Variants in THADA observed in about 807,000 individuals in gnomAD.
The protein encoded by THADA is tRNA (32-2'-O)-methyltransferase regulator THADA.
THADA carries 213 observed loss-of-function variants against 219.8 expected under a neutral mutation model. The observed-to-expected ratio is 0.97, with a 90% CI of 0.87 to 1.09. The LOEUF is 1.09. Ranked by LOEUF, THADA falls within the 50% of genes least tolerant of loss-of-function variation. THADA has a pLI of 0.00. For synonymous variants in THADA, 1,018 were observed against 828.9 expected (o/e 1.23, Z -3.92); for missense variants, 2,956 against 2,311.3 (o/e 1.28, Z -5.72).
intron 26 of THADA, among the ~76,000 whole-genome samples, chr2:43,472,366 A>G (rs997805229): frequency 1.3e-5 from 2 of 152,230 alleles, no homozygotes; most frequent in African/African-American, 4.8e-5. Context: ...GCCCACAGAA[A>G]TTACTTCACC....
At chr2:43,544,817 G>A (rs1405865553) in intron 20 of THADA, among the ~76,000 whole-genome samples, 4 of 151,328 alleles carry the variant, frequency 2.6e-5, no homozygotes, top group Non-Finnish European at 5.9e-5. Context: ...CATGTCATCT[G>A]CAAACAGGGA....
chr2:43,400,985 C>T (rs868373978), intron 28 of THADA, among the ~76,000 whole-genome samples: 1 of 152,088 alleles, frequency 6.6e-6, no homozygotes, highest in Non-Finnish European at 1.5e-5. Context: ...TGAAATAAAT[C>T]GGATAGCCTC....
intron 28 of THADA, among the ~76,000 whole-genome samples, chr2:43,427,678 C>T (rs550515434): frequency 1.3e-5 from 2 of 148,930 alleles, no homozygotes; most frequent in African/African-American, 2.4e-5. Flanking sequence ...ATAATATGGC[C>T]GGGCGCGGTG....
At chr2:43,333,678 C>T (rs1217729482) in intron 30 of THADA, among the ~76,000 whole-genome samples, 1 of 152,086 alleles carries the variant, frequency 6.6e-6, no homozygotes, top group Non-Finnish European at 1.5e-5. Flanking sequence ...TTGGCACGGA[C>T]CACAAATGAT....
intron 25 of THADA, among the ~76,000 whole-genome samples, chr2:43,486,961 G>A (rs1377870660): frequency 1.3e-5 from 2 of 152,058 alleles, no homozygotes; most frequent in Admixed American, 6.6e-5. Flanking sequence ...GTCATGCATG[G>A]TAGCCATAGA....
At chr2:43,254,056 G>A (rs1036286246) in intron 36 of THADA, among the ~76,000 whole-genome samples, 47 of 151,966 alleles carry the variant, frequency 3.1e-4, no homozygotes, top group African/African-American at 9.6e-4. Context: ...ATGGGTACCC[G>A]CTCCAGACAG....
rs964681778 is a variant in THADA, at chr2:43,556,352, T to C, written c.2667A>G (p.Thr889=). The C allele has an allele frequency of 1.9e-6, 3 of 1,613,714 alleles. No individual in the cohort carries two copies. In the African/African-American group the frequency reaches 4.0e-5, roughly 22 times the overall value. Residue 889 remains threonine, a synonymous_variant, in exon 17 of 38, where the codon ACA becomes ACG. Coordinates refer to ENST00000405975, the MANE Select transcript of THADA (RefSeq NM_022065.5). ...DRPAAVVERN[T]LMVIKCLMEN... is the part of the protein sequence containing the mutation. ...GCAAACATCAATACAAACCCATTAA[T>C]GTGTTCCTTTCCACCACAGCAGCAG...
intron 29 of THADA, among the ~76,000 whole-genome samples, chr2:43,361,855 C>G (rs769107431): frequency 6.6e-6 from 1 of 152,142 alleles, no homozygotes; most frequent in Non-Finnish European, 1.5e-5. Context: ...ATAAGTTGTA[C>G]CACTCAGTGT....
intron 26 of THADA, among the ~76,000 whole-genome samples, chr2:43,442,270 T>C (rs918106689): frequency 3.3e-5 from 5 of 152,098 alleles, no homozygotes; most frequent in African/African-American, 1.2e-4. Context: ...ACCCTGTCTC[T>C]ACTAAAAATA....
chr2:43,541,342 T>G (rs1431255617), intron 20 of THADA, 26 bp from the exon 21 acceptor site: 1 of 1,610,174 alleles, frequency 6.2e-7, no homozygotes, highest in South Asian at 1.1e-5. Context: ...ACACAACGAT[T>G]GCAACCTTGA....
chr2:43,444,742 T>C (rs1681294776), intron 26 of THADA, among the ~76,000 whole-genome samples: 1 of 150,644 alleles, frequency 6.6e-6, no homozygotes, highest in Admixed American at 6.6e-5. Flanking sequence ...GGGGGGGAGG[T>C]ATCCACACAC....
At position 43,297,752 on chromosome 2, in the gene THADA, C is replaced by T. The variant is rs1397137862; in HGVS notation, c.4439-4539G>A. ...GGGGTCGGCCCCCCGCCCGGCCAGCCGCCCCGTCCGGGAGGGAGGTGGGGG... is the reference window on the plus strand; with the variant it reads ...GGGGTCGGCCCCCCGCCCGGCCAGCTGCCCCGTCCGGGAGGGAGGTGGGGG... On this transcript the variant is annotated intron_variant, in intron 31 of 37. Transcript: ENST00000405975. 1.1e-3 allele frequency among the ~76,000 whole-genome samples: 134 copies of T among 125,556 alleles called. 1 individual carries two copies. Among genetic ancestry groups the T allele is most frequent in the African/African-American group, 4.4e-3 (128 of 29,348 alleles). The allele number at this position is 125,556 out of a possible 152,430, so 82.4% of individuals were successfully genotyped here.
chr2:43,552,308 T>G lies in THADA; in HGVS notation c.2706A>C (p.Glu902Asp). The G allele has an allele frequency of 6.3e-7, 1 of 1,597,948 alleles. No individual in the cohort carries two copies. Among genetic ancestry groups the G allele is most frequent in the Non-Finnish European group, 8.5e-7 (1 of 1,175,780 alleles). Reference protein sequence around the residue: ...VIKCLMENLEEEVSQAENSLL... With the variant: ...VIKCLMENLEDEVSQAENSLL... Reference sequence around the variant, plus strand: ...GAGAATTTTCAGCCTGAGATACTTCTTCCTCAAGATTTTCCATCAAGCATT... The same window carrying G: ...GAGAATTTTCAGCCTGAGATACTTCGTCCTCAAGATTTTCCATCAAGCATT... Residue 902 changes from glutamate to aspartate, a missense_variant, in exon 18 of 38, where the codon GAA (glutamate) becomes GAC (aspartate). Transcript: ENST00000405975.
intron 22 of THADA, among the ~76,000 whole-genome samples, chr2:43,515,167 T>C (rs1236906074): frequency 3.2e-5 from 1 of 30,820 alleles, no homozygotes; most frequent in Non-Finnish European, 5.9e-5. Context: ...TTATATATAA[T>C]ATATTATATA....
rs10495902 is a variant in THADA, at chr2:43,398,720, G to A, written c.4059-581C>T. 7.7e-3 allele frequency among the ~76,000 whole-genome samples: 1,178 copies of A among 152,314 alleles called. 55 individuals carry two copies. Among genetic ancestry groups the A allele is most frequent in the Admixed American group, 0.069 (1,052 of 15,302 alleles). On this transcript the variant is annotated intron_variant, in intron 28 of 37. Coordinates refer to ENST00000405975, the MANE Select transcript of THADA (RefSeq NM_022065.5). The stretch of plus-strand genomic sequence containing the variant: ...CCAGGGGCAAAGTGGTATAAAGCAA[G>A]GCTAAAAATACTCAAGGTCTAGGTA...
chr2:43,232,939 G>A (rs1053143859), intron 36 of THADA, 57 bp from the exon 37 acceptor site: 4 of 1,527,444 alleles, frequency 2.6e-6, no homozygotes, highest in Non-Finnish European at 3.5e-6. Flanking sequence ...CGACCCCAGG[G>A]CAGCCTGCAG....
intron 36 of THADA, among the ~76,000 whole-genome samples, chr2:43,244,137 C>A (rs945038869): frequency 2.0e-5 from 3 of 151,870 alleles, no homozygotes; most frequent in Admixed American, 2.0e-4. Flanking sequence ...AAAATTTTTC[C>A]CCTGATTTTA....
At chr2:43,343,933 T>G (rs1667337936) in intron 30 of THADA, 189 bp downstream of exon 30, 2 of 489,836 alleles carry the variant, frequency 4.1e-6, no homozygotes, top group South Asian at 2.8e-5. Flanking sequence ...CTTAGCAGTT[T>G]TAGAAAAATT....
rs202161314 is a variant in THADA at position 43,292,210 on chromosome 2, G to C, written c.4831C>G (p.Leu1611Val). Residue 1611 changes from leucine (L) to valine (V), a missense_variant, in exon 33 of 38, where the codon CTC becomes GTC. Physicochemically the swap from Leu to Val is conservative, Grantham distance 32. Coordinates refer to ENST00000405975, the MANE Select transcript of THADA (RefSeq NM_022065.5). ...PECFCKILKI[L>V]HCMDPGEWLP... is the part of the protein sequence containing the mutation. ...CACTCACCAGGGTCCATGCAGTGGAGAATTTTCAGTATCTGTGTAAGCCAA... is the reference window on the plus strand; with the variant it reads ...CACTCACCAGGGTCCATGCAGTGGACAATTTTCAGTATCTGTGTAAGCCAA... 2.1e-5 allele frequency: 33 copies of C among 1,603,278 alleles called. No individual in the cohort carries two copies. The African/African-American group carries it at 4.2e-4, about 20-fold the overall frequency.
Sources: gnomAD v4.1 joint callset for allele counts (sites outside exome capture counted in the v4.1 genomes callset) on GRCh38, gnomAD v4.1.1 for gene constraint, MANE v1.5 for transcripts, NCBI Gene and HGNC (gene_info 2026-07-23, HGNC 2026-07-21) for gene names.